TCHP: variants seen among roughly 807,000 people sequenced by gnomAD.
The protein encoded by TCHP is trichoplein keratin filament binding.
Under a neutral mutation model 88.7 loss-of-function variants are expected in TCHP, and 81 were observed. The observed-to-expected ratio is 0.91, with a 90% CI of 0.76 to 1.10. The LOEUF is 1.10. Ranked by LOEUF, TCHP falls within the 50% of genes least tolerant of loss-of-function variation. TCHP has a pLI of 0.00. For missense variants in TCHP, 641 were observed against 632.1 expected, an observed-to-expected ratio of 1.01 and a Z score of -0.15; for synonymous variants, 232 against 232.5, an observed-to-expected ratio of 1.00 and a Z score of 0.02.
intron 8 of TCHP, 62 bp from the exon 9 acceptor site, chr12:109,911,001 A>G: frequency 6.9e-7 from 1 of 1,442,862 alleles, no homozygotes; most frequent in Admixed American, 2.8e-5. Context: ...GCCCCTCTGT[A>G]GGCTCTCATT....
chr12:109,905,903 G>T lies in TCHP; in HGVS notation c.457-669G>T, dbSNP rs934306095. Among the ~76,000 whole-genome samples, 1 of 152,220 alleles carries T rather than the reference G, an allele frequency of 6.6e-6. No homozygotes were observed. The highest frequency in any genetic ancestry group is 1.9e-4 in the East Asian group (1 of 5,200). On this transcript the variant is annotated intron_variant, in intron 4 of 12. Coordinates refer to ENST00000405876, the MANE Select transcript of TCHP (RefSeq NM_001143852.2). The surrounding 1 kb of genome is among the most constrained non-coding windows in gnomAD (Gnocchi z 4.0). ...TTTTTTATAGAGACAGGGTCTCCCTGTGTTGCTCAGGCTGGTCTCAAACCT... is the reference window on the plus strand; with the variant it reads ...TTTTTTATAGAGACAGGGTCTCCCTTTGTTGCTCAGGCTGGTCTCAAACCT...
At chr12:109,916,490 C>T in intron 12 of TCHP, 101 bp from the exon 13 acceptor site, 1 of 1,219,562 alleles carries the variant, frequency 8.2e-7, no homozygotes, top group African/African-American at 1.6e-5. Context: ...ATGAAACAGC[C>T]ATTTATATTG....
chr12:109,908,757 A>G, intron 7 of TCHP, 59 bp downstream of exon 7: 1 of 1,557,862 alleles, frequency 6.4e-7, no homozygotes, highest in East Asian at 2.3e-5. Flanking sequence ...GCTTTTTCAG[A>G]CTTGCATTCG....
intron 11 of TCHP, 160 bp downstream of exon 11, chr12:109,914,787 CTG>C (rs767393675): frequency 4.9e-4 from 293 of 598,138 alleles, no homozygotes; most frequent in Non-Finnish European, 7.6e-4. Flanking sequence ...ATCCTCTTGA[CTG>C]TGGCTTCTTT....
intron 9 of TCHP, among the ~76,000 whole-genome samples, chr12:109,912,750 C>G (rs972158012): frequency 2.0e-5 from 3 of 152,112 alleles, no homozygotes; most frequent in African/African-American, 7.2e-5. Flanking sequence ...GAGATCGCAC[C>G]ACTGCACTCT....
chr12:109,916,753 T>A lies in TCHP; in HGVS notation c.*130T>A. On this transcript the variant is annotated 3_prime_UTR_variant, in exon 13 of 13. Coordinates refer to ENST00000405876, the MANE Select transcript of TCHP (RefSeq NM_001143852.2). ...TGTCAGATGGCTCAGCAGTGCCTGC[T>A]CAGGTTCATCATTGAAACATCCCAG... The A allele has an allele frequency of 1.3e-6, 1 of 783,864 alleles. No individual in the cohort carries two copies. The highest frequency in any genetic ancestry group is 2.1e-6 in the Non-Finnish European group (1 of 482,120). The allele number at this position is 783,864 out of a possible 1,614,324, so 48.6% of individuals were successfully genotyped here. A position where few individuals can be genotyped will look rare whatever the true frequency, so the allele number is the denominator to read the frequency against.
intron 11 of TCHP, 65 bp downstream of exon 11, chr12:109,914,692 G>C: frequency 1.4e-6 from 2 of 1,437,132 alleles, no homozygotes; most frequent in South Asian, 1.2e-5. Flanking sequence ...TCATGGGACA[G>C]GGTTCAGAGC....
the TCHP span, among the ~76,000 whole-genome samples, chr12:109,882,407 C>T: frequency 1.4e-5 from 2 of 142,180 alleles, no homozygotes; most frequent in South Asian, 2.3e-4. Flanking sequence ...GCACTCCAGC[C>T]AGAGCGAGCG....
chr12:109,915,577 C>T (rs1398029191), intron 12 of TCHP, 31 bp downstream of exon 12: 1 of 1,587,166 alleles, frequency 6.3e-7, no homozygotes, highest in Non-Finnish European at 8.6e-7. Flanking sequence ...TAGGCCAACA[C>T]CGGCAAGACA....
intron 11 of TCHP, 86 bp downstream of exon 11, chr12:109,914,713 C>A: frequency 8.4e-7 from 1 of 1,191,228 alleles, no homozygotes; most frequent in Non-Finnish European, 1.2e-6. Flanking sequence ...CGCTGGACTG[C>A]CTGGCAGGGC....
At chr12:109,897,885 C>T (rs1431801098), upstream of TCHP, among the ~76,000 whole-genome samples, 1 of 152,110 alleles carries the variant, frequency 6.6e-6, no homozygotes, top group Admixed American at 6.5e-5. Context: ...AAGTTCCTGT[C>T]GACAGACATT....
intron 7 of TCHP, 31 bp from the exon 8 acceptor site, chr12:109,908,840 T>G (rs755871306): frequency 6.2e-7 from 1 of 1,612,830 alleles, no homozygotes; most frequent in Admixed American, 1.7e-5. Context: ...TCTGAGATAC[T>G]GAAGGCAGCC....
the TCHP span, among the ~76,000 whole-genome samples, chr12:109,890,105 C>A: frequency 6.6e-6 from 1 of 152,238 alleles, no homozygotes; most frequent in East Asian, 1.9e-4. Flanking sequence ...AGAATGCCAC[C>A]TTGTCCTCCA....
chr12:109,909,610 A>G (rs1870369066), intron 8 of TCHP, among the ~76,000 whole-genome samples: 1 of 152,228 alleles, frequency 6.6e-6, no homozygotes, highest in Non-Finnish European at 1.5e-5. Flanking sequence ...ACCTGAGGTC[A>G]GGAGTTTGAG....
At chr12:109,901,534 A>G (rs569801066) in intron 1 of TCHP, among the ~76,000 whole-genome samples, 117 of 152,326 alleles carry the variant, frequency 7.7e-4, no homozygotes, top group African/African-American at 2.6e-3. Flanking sequence ...ATTAACTGAT[A>G]AGGTACTGAA....
rs760995252 is a variant in TCHP at position 109,903,123 on chromosome 12, C to T, written c.97C>T (p.Gln33Ter). The stretch of plus-strand genomic sequence containing the variant: ...AGAGCAGGAGGCCCGGCTTCGGCAG[C>T]AGTGGGAGCAGAACAGCCGTTACTT... ...QREQEARLRQQWEQNSRYFRM... is the reference protein window; with the variant it reads ...QREQEARLRQ Residue 33 changes from glutamine to a stop codon, truncating the protein, a stop_gained, in exon 2 of 13, where the codon CAG becomes TAG. Transcript: ENST00000405876. LOFTEE classifies it high-confidence loss of function. The surrounding 1 kb of genome is among the most constrained non-coding windows in gnomAD (Gnocchi z 4.6). 3.1e-6 allele frequency: 5 copies of T among 1,613,928 alleles called. No homozygotes were observed. In the African/African-American group the frequency reaches 5.3e-5, roughly 17 times the overall value.
At chr12:109,912,906 G>A in intron 9 of TCHP, 85 bp from the exon 10 acceptor site, 2 of 1,074,910 alleles carry the variant, frequency 1.9e-6, no homozygotes, top group Non-Finnish European at 2.9e-6. Flanking sequence ...CAGAAGCCAT[G>A]TGCCCTGCAG....
the TCHP span, among the ~76,000 whole-genome samples, chr12:109,885,719 G>A: frequency 3.3e-5 from 5 of 151,648 alleles, no homozygotes; most frequent in South Asian, 1.0e-3. Context: ...CTGACTTCCT[G>A]ATCCGCCCTC....
In TCHP at chr12:109,903,091, G is replaced by GACAGC; in HGVS notation, c.66_70dup (p.Arg24HisfsTer51). ...CAGCGCCTGAATCAGCAGCTAGCACGACAGCGAGAGCAGGAGGCCCGGCTT... is the reference window on the plus strand; with the variant it reads ...CAGCGCCTGAATCAGCAGCTAGCACGACAGCACAGCGAGAGCAGGAGGCCCGGCTT... On this transcript the variant is annotated frameshift_variant, in exon 2 of 13. Coordinates refer to ENST00000405876, the MANE Select transcript of TCHP (RefSeq NM_001143852.2). LOFTEE classifies it high-confidence loss of function. This position sits in a 1 kb window ranked among gnomAD's most constrained non-coding sequence, Gnocchi z 4.6. 1.2e-6 allele frequency: 2 copies of GACAGC among 1,613,918 alleles called. No homozygotes were observed. The highest frequency in any genetic ancestry group is 1.7e-6 in the Non-Finnish European group (2 of 1,179,868).
Sources: allele counts gnomAD v4.1 joint callset (sites outside exome capture counted in the v4.1 genomes callset), GRCh38; gene constraint gnomAD v4.1.1; non-coding constraint Gnocchi (gnomAD v3.1); transcripts MANE v1.5; gene names NCBI Gene and HGNC (gene_info 2026-07-23, HGNC 2026-07-21).